ZNF284: variants seen among roughly 807,000 people sequenced by gnomAD.
ZNF284 encodes zinc finger protein 284.
Under a neutral mutation model 12.9 loss-of-function variants are expected in ZNF284, and 12 were observed. That is an observed-to-expected ratio of 0.93 (90% CI 0.60 to 1.51). The LOEUF (loss-of-function observed/expected upper bound fraction) is 1.51. Ranked by LOEUF, ZNF284 falls within the 40% of genes most tolerant of loss-of-function variation. The probability of loss-of-function intolerance (pLI) is 0.00; values close to 1 mark genes in which losing one functional copy is unlikely to be tolerated. For synonymous variants in ZNF284, 225 were observed against 236.5 expected, an observed-to-expected ratio of 0.95 and a Z score of 0.45; for missense variants, 667 against 707.3, an observed-to-expected ratio of 0.94 and a Z score of 0.65.
At chr19:44,081,200 A>G in intron 3 of ZNF284, 59 bp downstream of exon 3, 1 of 1,552,422 alleles carries the variant, frequency 6.4e-7, no homozygotes, top group Non-Finnish European at 8.7e-7. Flanking sequence ...TTTGTATCCT[A>G]GGGTGTTTGT....
chr19:44,074,861 G>T (rs896718749), intron 1 of ZNF284, among the ~76,000 whole-genome samples: 1 of 151,878 alleles, frequency 6.6e-6, no homozygotes, highest in Non-Finnish European at 1.5e-5. Flanking sequence ...TTTAAAATTT[G>T]AGGGGGCGTG....
At chr19:44,081,232 T>C (rs1967119179) in intron 3 of ZNF284, 91 bp downstream of exon 3, 1 of 1,422,764 alleles carries the variant, frequency 7.0e-7, no homozygotes. Flanking sequence ...CTTATGCTGC[T>C]ATGAAGAAAT....
chr19:44,078,343 A>C (rs1967066777), intron 2 of ZNF284, among the ~76,000 whole-genome samples: 1 of 152,222 alleles, frequency 6.6e-6, no homozygotes, highest in South Asian at 2.1e-4. Flanking sequence ...AACCAGGGTA[A>C]TATATCCCCT....
At chr19:44,076,207 G>A (rs1279883732) in intron 1 of ZNF284, 115 bp from the exon 2 acceptor site, 11 of 532,012 alleles carry the variant, frequency 2.1e-5, no homozygotes, top group Non-Finnish European at 3.7e-5. Flanking sequence ...TATGAATAAT[G>A]CCCCTGTGAA....
chr19:44,085,654 C>T, intron 4 of ZNF284, 60 bp from the exon 5 acceptor site: 1 of 1,437,356 alleles, frequency 7.0e-7, no homozygotes. Context: ...TAAGTGAAAT[C>T]CTGAAAACAC....
intron 3 of ZNF284, 34 bp downstream of exon 3, chr19:44,081,175 G>A (rs780101126): frequency 5.6e-6 from 9 of 1,593,194 alleles, no homozygotes; most frequent in Non-Finnish European, 6.0e-6. Flanking sequence ...TGGAACATCA[G>A]GCCCCAGGAA....
In ZNF284 at chr19:44,086,708, G is replaced by A. The variant is rs1967258019; in HGVS notation, c.1230G>A (p.Met410Ile). 1.2e-6 allele frequency: 2 copies of A among 1,613,940 alleles called. No individual in the cohort carries two copies. Among genetic ancestry groups the A allele is most frequent in the African/African-American group, 1.3e-5 (1 of 74,886 alleles). The change falls in exon 5 of 5, where the codon ATG (methionine) becomes ATA (isoleucine). Residue 410 changes from methionine (M) to isoleucine (I), a missense_variant. Transcript: ENST00000421176. ...KCDGCGKRFY[M>I]NSQGHSHQRA... Reference sequence around the variant, plus strand: ...ACGGATGTGGGAAGAGATTTTATATGAATTCACAGGGCCATTCACATCAGA... The same window carrying A: ...ACGGATGTGGGAAGAGATTTTATATAAATTCACAGGGCCATTCACATCAGA...
Position 44,087,122 on chromosome 19 carries a change from T to A in ZNF284, c.1644T>A (p.Ser548Arg), listed in dbSNP as rs1191387279. ...AATGTGAGGATTGTGGGAAGAGCAG[T>A]GAGCACAGTTCATGCCTTCAAGACC... The part of the protein sequence containing the change: ...LFQCEDCGKS[S>R]EHSSCLQDQQ... The change falls in exon 5 of 5, where the codon AGT (serine) becomes AGA (arginine). Residue 548 changes from serine to arginine, a missense_variant. Coordinates refer to ENST00000421176, the MANE Select transcript of ZNF284 (RefSeq NM_001037813.4). The A allele has an allele frequency of 6.2e-7, 1 of 1,614,008 alleles. No individual in the cohort carries two copies. The highest frequency in any genetic ancestry group is 8.5e-7 in the Non-Finnish European group (1 of 1,180,012).
At chr19:44,080,937 C>T in intron 2 of ZNF284, 78 bp from the exon 3 acceptor site, 1 of 1,532,484 alleles carries the variant, frequency 6.5e-7, no homozygotes, top group Non-Finnish European at 8.9e-7. Flanking sequence ...TCACCCATCC[C>T]CTTCACCTGC....
At chr19:44,079,796 C>T (rs1012153883) in intron 2 of ZNF284, among the ~76,000 whole-genome samples, 1 of 151,804 alleles carries the variant, frequency 6.6e-6, no homozygotes, top group Non-Finnish European at 1.5e-5. Context: ...GGCATGGTGG[C>T]GCATGCTTGT....
Position 44,081,132 on chromosome 19 carries a change from C to T in ZNF284, c.133C>T (p.Leu45=), listed in dbSNP as rs755001059. The change falls in exon 3 of 5, where the codon CTA becomes TTA. Residue 45 remains leucine (L), a synonymous_variant. Transcript: ENST00000421176. The part of the protein sequence containing the change: ...DVMLENFRNL[L]SVGHQLSHRD... ...CATGCTGGAGAACTTCAGAAACCTG[C>T]TATCAGTGGGTGAGCACAGGCACCC... 18 of 1,611,534 alleles carry T rather than the reference C, an allele frequency of 1.1e-5. No homozygotes were observed. In the South Asian group the frequency reaches 2.0e-4, roughly 18 times the overall value.
At chr19:44,073,606 C>T (rs1452149858) in intron 1 of ZNF284, among the ~76,000 whole-genome samples, 1 of 151,106 alleles carries the variant, frequency 6.6e-6, no homozygotes, top group African/African-American at 2.4e-5. Context: ...TGCAGTGGCA[C>T]GATCTCGGCT....
chr19:44,086,309 T>C lies in ZNF284; in HGVS notation c.831T>C (p.His277=). 1.2e-6 allele frequency: 2 copies of C among 1,614,164 alleles called. No homozygotes were observed. The highest frequency in any genetic ancestry group is 2.2e-5 in the South Asian group (2 of 91,086). The change falls in exon 5 of 5, where the codon CAT becomes CAC. Residue 277 remains histidine, a synonymous_variant. Coordinates refer to ENST00000421176, the MANE Select transcript of ZNF284 (RefSeq NM_001037813.4). ...AFIHNSQLRE[H]QRIHTGEKPF... ...TTCACAATTCCCAGCTTCGGGAACA[T>C]CAAAGAATCCATACTGGGGAGAAGC...
rs747905671 is a variant in ZNF284 at position 44,086,713 on chromosome 19, C to T, written c.1235C>T (p.Ser412Leu). 1.9e-6 allele frequency: 3 copies of T among 1,614,072 alleles called. No individual in the cohort carries two copies. The highest frequency in any genetic ancestry group is 2.5e-6 in the Non-Finnish European group (3 of 1,179,984). The part of the protein sequence containing the change: ...DGCGKRFYMN[S>L]QGHSHQRAYR... ...TGTGGGAAGAGATTTTATATGAATTCACAGGGCCATTCACATCAGAGAGCC... is the reference window on the plus strand; with the variant it reads ...TGTGGGAAGAGATTTTATATGAATTTACAGGGCCATTCACATCAGAGAGCC... Residue 412 changes from serine to leucine, a missense_variant, in exon 5 of 5, where the codon TCA becomes TTA. Coordinates refer to ENST00000421176, the MANE Select transcript of ZNF284 (RefSeq NM_001037813.4).
rs1967254091 is a variant in ZNF284 at position 44,086,614 on chromosome 19, G to A, written c.1136G>A (p.Gly379Asp). ...KPYNCNVCGKGFRWSSCLSRH... is the reference protein window; with the variant it reads ...KPYNCNVCGKDFRWSSCLSRH... ...TATAATTGTAATGTATGTGGGAAGG[G>A]CTTCAGGTGGTCCTCATGTCTTTCA... Residue 379 changes from glycine to aspartate, a missense_variant, in exon 5 of 5, where the codon GGC (glycine) becomes GAC (aspartate). Coordinates refer to ENST00000421176, the MANE Select transcript of ZNF284 (RefSeq NM_001037813.4). The A allele has an allele frequency of 6.2e-7, 1 of 1,614,082 alleles. No individual in the cohort carries two copies. Among genetic ancestry groups the A allele is most frequent in the African/African-American group, 1.3e-5 (1 of 74,920 alleles).
At chr19:44,074,269 C>G (rs930351096) in intron 1 of ZNF284, among the ~76,000 whole-genome samples, 4 of 152,016 alleles carry the variant, frequency 2.6e-5, no homozygotes, top group African/African-American at 9.7e-5. Flanking sequence ...AGGAGAATCG[C>G]TTGAACCCGG....
chr19:44,083,474 T>TATATATATATATATATATAGAGAGAG (rs746837013), intron 4 of ZNF284, among the ~76,000 whole-genome samples: 2 of 64,926 alleles, frequency 3.1e-5, no homozygotes, highest in Admixed American at 1.6e-4. Context: ...TATATATATA[T>TATATATATATATATATATAGAGAGAG]AGAGAGAGAG....
At chr19:44,076,276 C>A in intron 1 of ZNF284, 46 bp from the exon 2 acceptor site, 1 of 1,057,292 alleles carries the variant, frequency 9.5e-7, no homozygotes, top group South Asian at 1.5e-5. Context: ...ACTGACCACC[C>A]CTTCATGTCT....
At chr19:44,085,611 T>G (rs1313026053) in intron 4 of ZNF284, 103 bp from the exon 5 acceptor site, 2 of 1,068,216 alleles carry the variant, frequency 1.9e-6, no homozygotes, top group African/African-American at 3.2e-5. Flanking sequence ...AACTGTACCT[T>G]CCTTGTATTC....
Sources: gnomAD v4.1 joint callset for allele counts (sites outside exome capture counted in the v4.1 genomes callset) on GRCh38, gnomAD v4.1.1 for gene constraint, MANE v1.5 for transcripts, NCBI Gene and HGNC (gene_info 2026-07-23, HGNC 2026-07-21) for gene names.